Variants in RBMX2 observed in about 807,000 individuals in gnomAD.
RBMX2 encodes RNA-binding motif protein, X-linked 2.
For missense variants in RBMX2, 191 were observed against 256.0 expected, an observed-to-expected ratio of 0.75 and a Z score of 1.73; for synonymous variants, 77 against 94.3, an observed-to-expected ratio of 0.82 and a Z score of 1.07.
In RBMX2 at chrX:130,412,493, A is replaced by G. The variant is rs776579889; in HGVS notation, c.614A>G (p.His205Arg). 6 of 1,207,303 alleles carry G rather than the reference A, an allele frequency of 5.0e-6. No homozygotes were observed. Among genetic ancestry groups the G allele is most frequent in the African/African-American group, 1.8e-5 (1 of 56,334 alleles). Residue 205 changes from histidine to arginine, a missense_variant, in exon 6 of 6, where the codon CAC becomes CGC. By Grantham distance (29) the His-to-Arg change is conservative. Coordinates refer to ENST00000305536, the MANE Select transcript of RBMX2 (RefSeq NM_016024.4). ...KEKDDTGPKK[H>R]SSKNSERAQK... ...AAGGATGACACTGGCCCTAAGAAGC[A>G]CAGCAGCAAGAACTCAGAGAGAGCT...
chrX:130,412,571 A>T lies in RBMX2; in HGVS notation c.692A>T (p.Tyr231Phe), dbSNP rs766707767. Residue 231 changes from tyrosine (Y) to phenylalanine (F), a missense_variant, in exon 6 of 6, where the codon TAC becomes TTC. By Grantham distance (22) the Tyr-to-Phe change is conservative. Coordinates refer to ENST00000305536, the MANE Select transcript of RBMX2 (RefSeq NM_016024.4). ...AAGCTCCCCAAATCCAGGACGGCCT[A>T]CTCTGGTGGAGCAGAGGACCTAGAG... is the stretch of plus-strand genomic sequence containing the variant. ...GQKLPKSRTA[Y>F]SGGAEDLERE... is the part of the protein sequence containing the mutation. The T allele has an allele frequency of 2.5e-6, 3 of 1,209,352 alleles. No individual in the cohort carries two copies. In the East Asian group the frequency reaches 8.9e-5, roughly 36 times the overall value.
chrX:130,402,392 C>T, intron 2 of RBMX2, 22 bp downstream of exon 2: 1 of 1,199,440 alleles, frequency 8.3e-7, no homozygotes, highest in Non-Finnish European at 1.1e-6. Context: ...ATCTTTCTTC[C>T]TCAGTGCTCT....
At chrX:130,405,116 C>G (rs959510161) in intron 3 of RBMX2, among the ~76,000 whole-genome samples, 4 of 111,993 alleles carry the variant, frequency 3.6e-5, no homozygotes, top group Non-Finnish European at 7.5e-5. Context: ...CGGTGGCTCA[C>G]GCTTGTAATC....
Position 130,412,766 on chromosome X carries a change from G to A in RBMX2, c.887G>A (p.Arg296Gln), listed in dbSNP as rs373062889. 1.2e-5 allele frequency: 15 copies of A among 1,209,291 alleles called. No individual in the cohort carries two copies. The highest frequency in any genetic ancestry group is 8.7e-5 in the Admixed American group (4 of 45,715). ...AGTTATAGAAGTAGAAGTAGGAGCC[G>A]AGATAAATCCCATAGGCATAAAAGG... ...GRSYRSRSRSRDKSHRHKRAR... is the reference protein window; with the variant it reads ...GRSYRSRSRSQDKSHRHKRAR... Residue 296 changes from arginine (R) to glutamine (Q), a missense_variant, in exon 6 of 6, where the codon CGA (arginine) becomes CAA (glutamine). Physicochemically the swap from Arg to Gln is conservative, Grantham distance 43 (BLOSUM62 1). Transcript: ENST00000305536.
At chrX:130,412,339 G>T (rs760510340) in intron 5 of RBMX2, 22 bp from the exon 6 acceptor site, 10 of 1,074,619 alleles carry the variant, frequency 9.3e-6, no homozygotes, top group Non-Finnish European at 9.7e-6. Flanking sequence ...CTTATTTACT[G>T]CTTCTTTCTT....
intron 1 of RBMX2, 31 bp from the exon 2 acceptor site, chrX:130,402,224 T>TTCCCGCCC: frequency 2.6e-6 from 3 of 1,174,331 alleles, no homozygotes; most frequent in Non-Finnish European, 3.4e-6. Context: ...CTTTTCTGCC[T>TTCCCGCCC]ACCCTCCCCA....
In RBMX2 at chrX:130,411,357, A is replaced by G; in HGVS notation, c.313A>G (p.Arg105Gly). ...CGCCTGTCTTGCTTAGATCAAAGGA[A>G]GAACTATCCGAGTGGATCATGTGTC... ...DNFNGIKIKG[R>G]TIRVDHVSNY... The change falls in exon 5 of 6, where the codon AGA becomes GGA. Residue 105 changes from arginine (R) to glycine (G), a missense_variant. Arg to Gly is a moderately radical substitution (Grantham distance 125). Coordinates refer to ENST00000305536, the MANE Select transcript of RBMX2 (RefSeq NM_016024.4). 1.7e-6 allele frequency: 2 copies of G among 1,184,917 alleles called. No individual in the cohort carries two copies. The highest frequency in any genetic ancestry group is 2.3e-6 in the Non-Finnish European group (2 of 883,428).
chrX:130,408,895 C>T (rs2034498575), intron 3 of RBMX2, among the ~76,000 whole-genome samples: 1 of 112,311 alleles, frequency 8.9e-6, no homozygotes, highest in South Asian at 3.6e-4. Context: ...CTATTAGTTT[C>T]TTTTTGCATT....
At chrX:130,407,997 C>A (rs1477775345) in intron 3 of RBMX2, among the ~76,000 whole-genome samples, 1 of 110,418 alleles carries the variant, frequency 9.1e-6, no homozygotes, top group Non-Finnish European at 1.9e-5. Context: ...CTATTTCTAT[C>A]TTCCTTTTTG....
intron 1 of RBMX2, 30 bp from the exon 2 acceptor site, chrX:130,402,225 A>AACCAAC: frequency 8.1e-5 from 80 of 984,681 alleles, no homozygotes; most frequent in Non-Finnish European, 1.0e-4. Context: ...TTTTCTGCCT[A>AACCAAC]CCCTCCCCAC....
At chrX:130,405,914 G>T (rs1194651998) in intron 3 of RBMX2, among the ~76,000 whole-genome samples, 2 of 54,738 alleles carry the variant, frequency 3.7e-5, no homozygotes, top group African/African-American at 4.4e-4. Context: ...GAGTGCAGTG[G>T]CGGGATCTCG....
intron 3 of RBMX2, among the ~76,000 whole-genome samples, chrX:130,407,066 C>T (rs1301774890): frequency 1.3e-4 from 14 of 109,215 alleles, no homozygotes; most frequent in African/African-American, 4.7e-4. Flanking sequence ...TATCATTATT[C>T]TTTCTTGATG....
Position 130,402,500 on chromosome X carries a change from C to T in RBMX2, c.121+130C>T, listed in dbSNP as rs948241650. 1.0e-5 allele frequency: 11 copies of T among 1,052,894 alleles called. No individual in the cohort carries two copies. In the African/African-American group the frequency reaches 2.1e-4, roughly 20 times the overall value. The allele number at this position is 1,052,894 out of a possible 1,213,427, so 86.8% of individuals were successfully genotyped here. A position where few individuals can be genotyped will look rare whatever the true frequency, so the allele number is the denominator to read the frequency against. Reference sequence around the variant, plus strand: ...CCTTCATATCCATCTGCTGTCTGCCCGGGAATCCGTGTTACATCTCTTTTC... The same window carrying T: ...CCTTCATATCCATCTGCTGTCTGCCTGGGAATCCGTGTTACATCTCTTTTC... On this transcript the variant is annotated intron_variant, in intron 2 of 5. Coordinates refer to ENST00000305536, the MANE Select transcript of RBMX2 (RefSeq NM_016024.4).
chrX:130,408,694 T>A (rs1262416418), intron 3 of RBMX2, among the ~76,000 whole-genome samples: 1 of 111,969 alleles, frequency 8.9e-6, no homozygotes, highest in Non-Finnish European at 1.9e-5. Context: ...TTTTAATACA[T>A]GCTTCATGGA....
At position 130,412,661 on chromosome X, in the gene RBMX2, A is replaced by G; in HGVS notation, c.782A>G (p.Glu261Gly). ...HKSSSRREAR[E>G]EKTRIRDRGR... Reference sequence around the variant, plus strand: ...TCCTCAAGCAGGAGGGAGGCAAGAGAAGAAAAGACCAGGATTAGGGACAGA... The same window carrying G: ...TCCTCAAGCAGGAGGGAGGCAAGAGGAGAAAAGACCAGGATTAGGGACAGA... Residue 261 changes from glutamate (E) to glycine (G), a missense_variant, in exon 6 of 6, where the codon GAA (glutamate) becomes GGA (glycine). By Grantham distance (98) the Glu-to-Gly change is moderately conservative. Transcript: ENST00000305536. 2.5e-6 allele frequency: 3 copies of G among 1,210,387 alleles called. No homozygotes were observed. The Middle Eastern group carries it at 7.0e-4, about 281-fold the overall frequency.
At chrX:130,411,323 C>A in intron 4 of RBMX2, 25 bp from the exon 5 acceptor site, 1 of 1,146,085 alleles carries the variant, frequency 8.7e-7, no homozygotes, top group South Asian at 2.2e-5. Flanking sequence ...GCTGTCTTCA[C>A]TGAAGCATCG....
At chrX:130,403,039 G>A (rs2034464485) in intron 2 of RBMX2, among the ~76,000 whole-genome samples, 1 of 112,621 alleles carries the variant, frequency 8.9e-6, no homozygotes, top group Non-Finnish European at 1.9e-5. Flanking sequence ...ATTTGGAGGG[G>A]AAATTATTCC....
At position 130,411,545 on chromosome X, in the gene RBMX2, G is replaced by A; in HGVS notation, c.481+20G>A. The A allele has an allele frequency of 8.7e-7, 1 of 1,150,390 alleles. No individual in the cohort carries two copies. The highest frequency in any genetic ancestry group is 2.2e-5 in the South Asian group (1 of 45,919). 94.8% of individuals were successfully genotyped at this position (1,150,390 alleles called of 1,213,427 possible). On this transcript the variant is annotated intron_variant, in intron 5 of 5. Coordinates refer to ENST00000305536, the MANE Select transcript of RBMX2 (RefSeq NM_016024.4). ...AAAAAGGTAAAGCATTAAGACTTAA[G>A]AGAAGATTCTGGGTGGTCTTAATGT...
chrX:130,413,201 C>T lies in RBMX2; in HGVS notation c.*353C>T, dbSNP rs2034523943. 7.7e-6 allele frequency: 1 copy of T among 130,194 alleles called. No homozygotes were observed. The highest frequency in any genetic ancestry group is 3.2e-5 in the African/African-American group (1 of 31,010). The allele number at this position is 130,194 out of a possible 1,213,427, so 10.7% of individuals were successfully genotyped here. On this transcript the variant is annotated 3_prime_UTR_variant, in exon 6 of 6. Transcript: ENST00000305536. Reference sequence around the variant, plus strand: ...ATGTTTATAGCCCAGCATCTTGGGACCTTTCCAGTTACTAGGTTTGGACAG... The same window carrying T: ...ATGTTTATAGCCCAGCATCTTGGGATCTTTCCAGTTACTAGGTTTGGACAG...
Sources: allele counts gnomAD v4.1 joint callset (sites outside exome capture counted in the v4.1 genomes callset), GRCh38; gene constraint gnomAD v4.1.1; transcripts MANE v1.5; gene names NCBI Gene and HGNC (gene_info 2026-07-23, HGNC 2026-07-21).